Variants in KIF13A observed in about 807,000 individuals in gnomAD.
The protein encoded by KIF13A is kinesin-like protein KIF13A.
Under a neutral mutation model 212.2 loss-of-function variants are expected in KIF13A, and 79 were observed. The observed-to-expected ratio is 0.37, with a 90% CI of 0.31 to 0.45. The LOEUF (loss-of-function observed/expected upper bound fraction) is 0.45. KIF13A is among the 20% of genes least tolerant of loss of function. The pLI is 1.00. For missense variants in KIF13A, 1,901 were observed against 2,209.0 expected (o/e 0.86, Z 2.79); for synonymous variants, 789 against 808.6 (o/e 0.98, Z 0.41).
chr6:17,799,473 T>C lies in KIF13A; in HGVS notation c.2617-34A>G. 6.9e-7 allele frequency: 1 copy of C among 1,447,226 alleles called. No homozygotes were observed. Among genetic ancestry groups the C allele is most frequent in the East Asian group, 2.5e-5 (1 of 39,922 alleles). The allele number at this position is 1,447,226 out of a possible 1,614,324, so 89.6% of individuals were successfully genotyped here. A position where few individuals can be genotyped will look rare whatever the true frequency, so the allele number is the denominator to read the frequency against. ...ATAAACAATACAAATAAAACTCCAA[T>C]GAACACTAAACATTCTTTCATTTCA... On this transcript the variant is annotated intron_variant, in intron 21 of 38. Transcript: ENST00000259711. This position sits in a 1 kb window ranked among gnomAD's most constrained non-coding sequence, Gnocchi z 4.4.
rs376294600 is a variant in KIF13A, at chr6:17,786,882, T to C, written c.3361+894A>G. Among the ~76,000 whole-genome samples, 161 of 152,344 alleles carry C rather than the reference T, an allele frequency of 1.1e-3. No individual in the cohort carries two copies. Among genetic ancestry groups the C allele is most frequent in the African/African-American group, 3.6e-3 (149 of 41,592 alleles). On this transcript the variant is annotated intron_variant, in intron 27 of 38. Coordinates refer to ENST00000259711, the MANE Select transcript of KIF13A (RefSeq NM_022113.6). This position sits in a 1 kb window ranked among gnomAD's most constrained non-coding sequence, Gnocchi z 5.4. ...AATGGATTAACATGCATGATGTGTA[T>C]GTTCTTTGCTGCAGAACCAACCACC...
At chr6:17,815,388 C>T (rs1196705516) in intron 17 of KIF13A, among the ~76,000 whole-genome samples, 2 of 152,148 alleles carry the variant, frequency 1.3e-5, no homozygotes, top group African/African-American at 2.4e-5. Flanking sequence ...CTAACTCCCC[C>T]GGGAAAAGGG....
chr6:17,866,908 A>C (rs1455383010), intron 4 of KIF13A, among the ~76,000 whole-genome samples: 1 of 149,198 alleles, frequency 6.7e-6, no homozygotes, highest in East Asian at 2.0e-4. Context: ...CACTTAAAAA[A>C]ATTTAACACG....
intron 23 of KIF13A, among the ~76,000 whole-genome samples, chr6:17,796,390 G>A (rs189064865): frequency 1.8e-4 from 27 of 150,294 alleles, no homozygotes; most frequent in East Asian, 7.8e-4. Context: ...GATTACAGGT[G>A]CGTGCCACCA....
chr6:17,779,421 C>T (rs1352348868), intron 32 of KIF13A, among the ~76,000 whole-genome samples, 171 bp downstream of exon 32: 5 of 150,968 alleles, frequency 3.3e-5, no homozygotes, highest in African/African-American at 1.2e-4. Context: ...TACAGGCATG[C>T]GCCACCATGC....
chr6:17,780,222 G>T (rs1760438360), intron 31 of KIF13A, among the ~76,000 whole-genome samples: 1 of 152,170 alleles, frequency 6.6e-6, no homozygotes, highest in Non-Finnish European at 1.5e-5. Flanking sequence ...GCATGTTCAG[G>T]ATTTCTGTGG....
In KIF13A at chr6:17,799,771, AT is replaced by A. The variant is rs1368639855; in HGVS notation, c.2616+180del. Among the ~76,000 whole-genome samples, 72 of 152,226 alleles carry A rather than the reference AT, an allele frequency of 4.7e-4. No homozygotes were observed. Among genetic ancestry groups the A allele is most frequent in the African/African-American group, 1.7e-3 (71 of 41,464 alleles). On this transcript the variant is annotated intron_variant, in intron 21 of 38. Transcript: ENST00000259711. This position sits in a 1 kb window ranked among gnomAD's most constrained non-coding sequence, Gnocchi z 4.4. ...AATACATAAACACTTTTGAAATTTG[AT>A]GCAACTGTCATAAGAAAGTGTGCTA... is the stretch of plus-strand genomic sequence containing the variant.
Position 17,849,268 on chromosome 6 carries a change from C to A in KIF13A, c.830+109G>T. On this transcript the variant is annotated intron_variant, in intron 9 of 38. Coordinates refer to ENST00000259711, the MANE Select transcript of KIF13A (RefSeq NM_022113.6). The surrounding 1 kb of genome is among the most constrained non-coding windows in gnomAD (Gnocchi z 5.7). The stretch of plus-strand genomic sequence containing the variant: ...TTTTCTTCAGCCCAGTTTACTAAAG[C>A]TATACAGACTTTAAACAACCTGTAC... 1.4e-6 allele frequency: 1 copy of A among 707,628 alleles called. No homozygotes were observed. Among genetic ancestry groups the A allele is most frequent in the Non-Finnish European group, 2.4e-6 (1 of 419,002 alleles). The allele number at this position is 707,628 out of a possible 1,614,324, so 43.8% of individuals were successfully genotyped here.
rs1418250707 is a variant in KIF13A, at chr6:17,763,977, CAG to C, written c.*131_*132del. 8 of 1,448,994 alleles carry C rather than the reference CAG, an allele frequency of 5.5e-6. 1 individual carries two copies. In the South Asian group the frequency reaches 1.1e-4, roughly 19 times the overall value. 89.8% of individuals were successfully genotyped at this position (1,448,994 alleles called of 1,614,324 possible). On this transcript the variant is annotated 3_prime_UTR_variant, in exon 39 of 39. Coordinates refer to ENST00000259711, the MANE Select transcript of KIF13A (RefSeq NM_022113.6). ...TTCCCAAAACAGACTTGCTCTCCGACAGAGACAGCTGTGCAGGAAGTGAGCCT... is the reference window on the plus strand; with the variant it reads ...TTCCCAAAACAGACTTGCTCTCCGACAGACAGCTGTGCAGGAAGTGAGCCT...
chr6:17,920,700 C>G (rs377219481), intron 2 of KIF13A, among the ~76,000 whole-genome samples: 1 of 151,840 alleles, frequency 6.6e-6, no homozygotes, highest in African/African-American at 2.4e-5. Flanking sequence ...ATGGTGAAAC[C>G]CTGTCTCTAC....
intron 3 of KIF13A, among the ~76,000 whole-genome samples, chr6:17,890,107 GA>G: frequency 6.7e-6 from 1 of 150,160 alleles, no homozygotes; most frequent in Non-Finnish European, 1.5e-5. Flanking sequence ...AGAATTGCTT[GA>G]ACTTGGGAGG....
In KIF13A at chr6:17,915,960, TAAAATAA is replaced by T. The variant is rs1561757844; in HGVS notation, c.147-17787_147-17781del. On this transcript the variant is annotated intron_variant, in intron 2 of 38. Transcript: ENST00000259711. This position sits in a 1 kb window ranked among gnomAD's most constrained non-coding sequence, Gnocchi z 4.4. ...TCAAAAAAAAAAATAAAAATAAAAA[TAAAATAA>T]AATAAAATAAATTACAGTTCAAATG... Among the ~76,000 whole-genome samples the T allele has an allele frequency of 1.6e-5, 2 of 122,590 alleles. No homozygotes were observed. The highest frequency in any genetic ancestry group is 3.4e-5 in the Non-Finnish European group (2 of 59,390). 80.4% of individuals were successfully genotyped at this position (122,590 alleles called of 152,430 possible). A position where few individuals can be genotyped will look rare whatever the true frequency, so the allele number is the denominator to read the frequency against.
rs571385041 is a variant in KIF13A at position 17,909,393 on chromosome 6, G to A, written c.147-11213C>T. Among the ~76,000 whole-genome samples, 12 of 151,592 alleles carry A rather than the reference G, an allele frequency of 7.9e-5. 1 individual carries two copies. Among genetic ancestry groups the A allele is most frequent in the African/African-American group, 1.7e-4 (7 of 41,284 alleles). ...TCTACTTAAAATACAAAAATTAGCC[G>A]GGTGTGGTGGCGCGTGCCTGTAGAT... On this transcript the variant is annotated intron_variant, in intron 2 of 38. Coordinates refer to ENST00000259711, the MANE Select transcript of KIF13A (RefSeq NM_022113.6).
chr6:17,889,184 C>A (rs1771816267), intron 3 of KIF13A, among the ~76,000 whole-genome samples: 1 of 152,140 alleles, frequency 6.6e-6, no homozygotes, highest in Non-Finnish European at 1.5e-5. Context: ...AAGGTTTCCC[C>A]CTTACTTTTT....
chr6:17,828,690 C>T lies in KIF13A; in HGVS notation c.1402-320G>A, dbSNP rs1765181192. Among the ~76,000 whole-genome samples, 2 of 152,276 alleles carry T rather than the reference C, an allele frequency of 1.3e-5. No homozygotes were observed. The highest frequency in any genetic ancestry group is 1.9e-4 in the East Asian group (1 of 5,172). On this transcript the variant is annotated intron_variant, in intron 13 of 38. Transcript: ENST00000259711. The surrounding 1 kb of genome is among the most constrained non-coding windows in gnomAD (Gnocchi z 4.3). The stretch of plus-strand genomic sequence containing the variant: ...TTGACCACGGGGAAGCCATTTCACT[C>T]TCTGAGCCTCAGTTTCTTTGTTGGC...
At chr6:17,782,787 G>T (rs1036429095) in intron 29 of KIF13A, among the ~76,000 whole-genome samples, 21 of 152,160 alleles carry the variant, frequency 1.4e-4, no homozygotes, top group Non-Finnish European at 1.9e-4. Context: ...TAGAATCAAA[G>T]TTCTGAGCAC....
intron 16 of KIF13A, among the ~76,000 whole-genome samples, chr6:17,819,734 T>C (rs772507726): frequency 5.3e-5 from 8 of 152,096 alleles, no homozygotes; most frequent in Non-Finnish European, 5.9e-5. Context: ...TCTAAAAAAA[T>C]ATGAGAAATA....
At chr6:17,766,122 C>T (rs2150284092) in intron 38 of KIF13A, among the ~76,000 whole-genome samples, 1 of 152,288 alleles carries the variant, frequency 6.6e-6, no homozygotes, top group Non-Finnish European at 1.5e-5. Context: ...AGCATCTGTA[C>T]AATTAGAACT....
chr6:17,804,640 A>T (rs71556142), intron 19 of KIF13A, 130 bp from the exon 20 acceptor site: 1 of 959,328 alleles, frequency 1.0e-6, no homozygotes, highest in South Asian at 2.0e-5. Context: ...GTAAAATTAT[A>T]ATGTCACATA....
Sources: allele counts gnomAD v4.1 joint callset (sites outside exome capture counted in the v4.1 genomes callset), GRCh38; gene constraint gnomAD v4.1.1; non-coding constraint Gnocchi (gnomAD v3.1); transcripts MANE v1.5; gene names NCBI Gene and HGNC (gene_info 2026-07-23, HGNC 2026-07-21).